Variants in LUZP2 observed in about 807,000 individuals in gnomAD.
LUZP2 encodes the protein leucine zipper protein 2.
A neutral mutation model predicts 51.6 loss-of-function variants in LUZP2; 52 were observed. The ratio of observed to expected loss-of-function variants is 1.01; its 90% CI spans 0.81 to 1.27. The LOEUF is 1.27. Ranked by LOEUF, LUZP2 falls within the 50% of genes most tolerant of loss-of-function variation. The pLI is 0.00. For synonymous variants in LUZP2, 154 were observed against 137.3 expected (o/e 1.12, Z -0.85); for missense variants, 436 against 395.4 (o/e 1.10, Z -0.87).
At chr11:24,921,122 A>G (rs1854039705) in intron 7 of LUZP2, among the ~76,000 whole-genome samples, 1 of 152,096 alleles carries the variant, frequency 6.6e-6, no homozygotes, top group South Asian at 2.1e-4. Flanking sequence ...CGACAGGGAC[A>G]CAGGTGGAGT....
chr11:24,750,338 C>T (rs936039114), intron 4 of LUZP2, among the ~76,000 whole-genome samples: 10 of 152,146 alleles, frequency 6.6e-5, no homozygotes. Context: ...ACACAGGCAT[C>T]CCTATGAATA....
chr11:24,843,997 C>A (rs901161340), intron 5 of LUZP2, among the ~76,000 whole-genome samples: 2 of 151,936 alleles, frequency 1.3e-5, no homozygotes, highest in Non-Finnish European at 2.9e-5. Context: ...AGTGTGAAAA[C>A]GAACTAATAC....
At chr11:24,883,007 A>AAAGAG (rs1852535781) in intron 5 of LUZP2, among the ~76,000 whole-genome samples, 1 of 151,842 alleles carries the variant, frequency 6.6e-6, no homozygotes. Flanking sequence ...AAAGAAAAGA[A>AAAGAG]AAGAGAAAAA....
chr11:25,030,570 C>T (rs923319045), intron 9 of LUZP2, among the ~76,000 whole-genome samples: 3 of 151,490 alleles, frequency 2.0e-5, no homozygotes, highest in Admixed American at 1.3e-4. Context: ...TATTCCATTC[C>T]ATGTACTCAC....
intron 1 of LUZP2, among the ~76,000 whole-genome samples, chr11:24,653,425 G>A (rs913128367): frequency 2.9e-4 from 44 of 152,228 alleles, no homozygotes; most frequent in African/African-American, 1.1e-3. Context: ...TTTGGGGAAG[G>A]CAGAACATTC....
chr11:24,986,873 G>A (rs528795529), intron 9 of LUZP2, among the ~76,000 whole-genome samples: 2 of 151,750 alleles, frequency 1.3e-5, no homozygotes, highest in Admixed American at 1.3e-4. Context: ...TAAAAGATAT[G>A]AATTAATACA....
At chr11:24,824,671 C>T (rs1038281675) in intron 5 of LUZP2, among the ~76,000 whole-genome samples, 1 of 151,522 alleles carries the variant, frequency 6.6e-6, no homozygotes, top group Non-Finnish European at 1.5e-5. Context: ...CCAATAAAGC[C>T]CTACACATAT....
rs188520064 is a variant in LUZP2 at position 24,871,158 on chromosome 11, G to A, written c.397-34833G>A. ...TTTATCCAGATTTACAATTTTTTTA[G>A]TAATGTTTACAAAATTTCTTTCAAT... On this transcript the variant is annotated intron_variant, in intron 5 of 11. Transcript: ENST00000336930. Among the ~76,000 whole-genome samples, 251 of 151,810 alleles carry A rather than the reference G, an allele frequency of 1.7e-3. 2 individuals carry two copies. Among genetic ancestry groups the A allele is most frequent in the Middle Eastern group, 0.01 (3 of 286 alleles).
At chr11:24,507,379 C>T (rs1850174361) in intron 1 of LUZP2, among the ~76,000 whole-genome samples, 1 of 152,058 alleles carries the variant, frequency 6.6e-6, no homozygotes, top group African/African-American at 2.4e-5. Flanking sequence ...GCAAAAATCA[C>T]ACCTTTACAC....
At chr11:24,732,979 G>T (rs1858767608) in intron 3 of LUZP2, among the ~76,000 whole-genome samples, 1 of 151,578 alleles carries the variant, frequency 6.6e-6, no homozygotes. Context: ...TTACCCTACA[G>T]CTCCACCTTA....
At chr11:24,997,561 T>G (rs1035547466) in intron 9 of LUZP2, among the ~76,000 whole-genome samples, 1 of 152,136 alleles carries the variant, frequency 6.6e-6, no homozygotes, top group East Asian at 1.9e-4. Flanking sequence ...TTCTCCCATT[T>G]TGTAGGTTGC....
At chr11:24,716,401 TA>T (rs1858044475) in intron 1 of LUZP2, among the ~76,000 whole-genome samples, 1 of 152,184 alleles carries the variant, frequency 6.6e-6, no homozygotes, top group African/African-American at 2.4e-5. Flanking sequence ...ATTGAAAGAC[TA>T]TTCCATGATA....
chr11:24,526,183 T>TTCTGCAGG (rs1850794847), intron 1 of LUZP2, among the ~76,000 whole-genome samples: 1 of 150,904 alleles, frequency 6.6e-6, no homozygotes, highest in Non-Finnish European at 1.5e-5. Context: ...TGCTATGAAG[T>TTCTGCAGG]GCTCCACTAT....
chr11:24,569,813 T>C (rs972205367), intron 1 of LUZP2, among the ~76,000 whole-genome samples: 9 of 151,994 alleles, frequency 5.9e-5, no homozygotes, highest in African/African-American at 2.2e-4. Context: ...AAAAGAAAAA[T>C]GGAATAGTAT....
chr11:25,016,935 A>AC (rs1362898664), intron 9 of LUZP2, among the ~76,000 whole-genome samples: 1 of 150,272 alleles, frequency 6.7e-6, no homozygotes, highest in African/African-American at 2.5e-5. Context: ...TGCCGACATC[A>AC]TTTTTTTTTT....
chr11:24,630,225 T>C (rs1011313256), intron 1 of LUZP2, among the ~76,000 whole-genome samples: 1 of 152,032 alleles, frequency 6.6e-6, no homozygotes, highest in African/African-American at 2.4e-5. Context: ...TTTGTTTTTG[T>C]TGTTTGTGCT....
At chr11:24,501,909 C>T (rs990932554) in intron 1 of LUZP2, among the ~76,000 whole-genome samples, 1 of 152,278 alleles carries the variant, frequency 6.6e-6, no homozygotes, top group African/African-American at 2.4e-5. Flanking sequence ...GTGTCTGGGG[C>T]AACTTCTACT....
At chr11:24,588,643 C>A (rs5009347) in intron 1 of LUZP2, among the ~76,000 whole-genome samples, 146,419 of 151,798 alleles carry the variant, frequency 0.96, 70,769 homozygotes, top group Non-Finnish European at 1. Flanking sequence ...AATTTTTTCC[C>A]AAAAAGATTA....
chr11:25,036,293 A>T (rs1338774251), intron 9 of LUZP2, among the ~76,000 whole-genome samples: 1 of 151,950 alleles, frequency 6.6e-6, no homozygotes, highest in Non-Finnish European at 1.5e-5. Context: ...GATGTTTTAT[A>T]TTTCTGTGGG....
Sources: allele counts gnomAD v4.1 joint callset (sites outside exome capture counted in the v4.1 genomes callset), GRCh38; gene constraint gnomAD v4.1.1; transcripts MANE v1.5; gene names NCBI Gene and HGNC (gene_info 2026-07-23, HGNC 2026-07-21).